Variants in CADM2 observed in about 807,000 individuals in gnomAD.
CADM2 encodes immunoglobulin superfamily member 4D.
A neutral mutation model predicts 49.8 loss-of-function variants in CADM2; 12 were observed. The ratio of observed to expected loss-of-function variants is 0.24; its 90% confidence interval spans 0.15 to 0.39. The LOEUF (loss-of-function observed/expected upper bound fraction) is 0.39. Ranked by LOEUF, CADM2 falls within the 10% of genes least tolerant of loss-of-function variation. The pLI is 1.00. For synonymous variants in CADM2, 214 were observed against 175.4 expected, an observed-to-expected ratio of 1.22 and a Z score of -1.74; for missense variants, 378 against 492.3, an observed-to-expected ratio of 0.77 and a Z score of 2.20.
At chr3:85,164,203 G>A (rs2040408437) in intron 1 of CADM2, among the ~76,000 whole-genome samples, 1 of 151,978 alleles carries the variant, frequency 6.6e-6, no homozygotes, top group Non-Finnish European at 1.5e-5. Flanking sequence ...ATATTGAGAT[G>A]ACTATGTGAA....
At chr3:85,825,197 T>G (rs939846763) in intron 3 of CADM2, among the ~76,000 whole-genome samples, 3 of 151,794 alleles carry the variant, frequency 2.0e-5, no homozygotes, top group African/African-American at 7.3e-5. Flanking sequence ...ACCGTGAGAG[T>G]GTGTAGTCAG....
chr3:85,415,399 C>A (rs1376576258), intron 1 of CADM2, among the ~76,000 whole-genome samples: 2 of 129,318 alleles, frequency 1.5e-5, no homozygotes, highest in African/African-American at 5.8e-5. Flanking sequence ...GATGAAAGTA[C>A]GAATAGTGCC....
chr3:85,999,623 G>T (rs1222432032), intron 8 of CADM2, among the ~76,000 whole-genome samples: 1 of 148,130 alleles, frequency 6.8e-6, no homozygotes, highest in Non-Finnish European at 1.5e-5. Flanking sequence ...GAAAGAGAAA[G>T]AAAGAAGGAG....
chr3:85,096,560 TAAC>T (rs1199653056), intron 1 of CADM2, among the ~76,000 whole-genome samples: 9 of 152,144 alleles, frequency 5.9e-5, no homozygotes, highest in African/African-American at 1.2e-4. Flanking sequence ...TATCTATAAT[TAAC>T]ATATCAGAAT....
At chr3:85,271,383 A>T (rs2043239204) in intron 1 of CADM2, among the ~76,000 whole-genome samples, 1 of 151,358 alleles carries the variant, frequency 6.6e-6, no homozygotes, top group African/African-American at 2.4e-5. Context: ...CTTTTAGAAC[A>T]CAGAAATCTG....
At chr3:85,745,328 G>T (rs1182459785) in intron 2 of CADM2, among the ~76,000 whole-genome samples, 1 of 152,102 alleles carries the variant, frequency 6.6e-6, no homozygotes, top group African/African-American at 2.4e-5. Context: ...TATTTTGTTG[G>T]ATAATGGTAT....
intron 1 of CADM2, chr3:84,960,308 A>G (rs2107029093): frequency 6.6e-6 from 1 of 152,344 alleles, no homozygotes; most frequent in Non-Finnish European, 1.5e-5. Flanking sequence ...GGGATTTAAA[A>G]AAAAAGAAAA....
chr3:85,064,706 G>A (rs59907126), intron 1 of CADM2, among the ~76,000 whole-genome samples: 12,058 of 152,066 alleles, frequency 0.079, 1,572 homozygotes, highest in African/African-American at 0.27. Context: ...AGACATACTG[G>A]CAATATTTGT....
At chr3:85,116,855 G>A (rs1362718237) in intron 1 of CADM2, among the ~76,000 whole-genome samples, 1 of 152,002 alleles carries the variant, frequency 6.6e-6, no homozygotes, top group Admixed American at 6.6e-5. Context: ...ACATTTTTCT[G>A]GTGTATGGTG....
chr3:85,407,600 A>G (rs1243917587), intron 1 of CADM2, among the ~76,000 whole-genome samples: 1 of 152,154 alleles, frequency 6.6e-6, no homozygotes, highest in Non-Finnish European at 1.5e-5. Flanking sequence ...TCCGAAGGAA[A>G]GTTAATGGGT....
intron 1 of CADM2, among the ~76,000 whole-genome samples, chr3:85,406,858 T>A (rs1042402932): frequency 6.6e-6 from 1 of 152,124 alleles, no homozygotes; most frequent in African/African-American, 2.4e-5. Flanking sequence ...CTTTTTGTCA[T>A]CTTCAATTTA....
chr3:85,741,563 G>C (rs776288507), intron 2 of CADM2, among the ~76,000 whole-genome samples: 2 of 152,126 alleles, frequency 1.3e-5, no homozygotes, highest in Non-Finnish European at 2.9e-5. Flanking sequence ...AGCTACTCAA[G>C]AGGCAGAGGC....
chr3:85,737,581 G>A lies in CADM2; in HGVS notation c.88+11033G>A, dbSNP rs1275815766. On this transcript the variant is annotated intron_variant, in intron 2 of 9. Transcript: ENST00000383699. ...TTCTTTCTTTTTTTTTTTTTGAGAC[G>A]GAGTTTCTCTCTGTCACCCAGGCTG... Among the ~76,000 whole-genome samples the A allele has an allele frequency of 1.3e-4, 18 of 141,064 alleles. 1 individual carries two copies. The highest frequency in any genetic ancestry group is 2.1e-4 in the East Asian group (1 of 4,828). 92.5% of individuals were successfully genotyped at this position (141,064 alleles called of 152,430 possible).
chr3:85,897,517 C>A (rs2108438772), intron 5 of CADM2, among the ~76,000 whole-genome samples: 1 of 151,586 alleles, frequency 6.6e-6, no homozygotes, highest in South Asian at 2.1e-4. Flanking sequence ...GATCCACCCG[C>A]CTCGGCCTCC....
At chr3:85,619,197 TC>T (rs761843657) in intron 1 of CADM2, among the ~76,000 whole-genome samples, 77 of 152,238 alleles carry the variant, frequency 5.1e-4, no homozygotes, top group Non-Finnish European at 8.5e-4. Flanking sequence ...GGATTGATAG[TC>T]AGTAGATGAA....
chr3:85,981,345 C>A (rs1443108676), intron 8 of CADM2, among the ~76,000 whole-genome samples: 1 of 151,460 alleles, frequency 6.6e-6, no homozygotes, highest in Non-Finnish European at 1.5e-5. Context: ...TGGTCTATTG[C>A]ATTTTTTTTC....
chr3:85,014,041 A>G (rs2034132175), intron 1 of CADM2, among the ~76,000 whole-genome samples: 1 of 144,810 alleles, frequency 6.9e-6, no homozygotes, highest in East Asian at 2.0e-4. Flanking sequence ...ATAATATTGT[A>G]TATTATATAT....
chr3:85,078,236 G>T (rs773936484), intron 1 of CADM2, among the ~76,000 whole-genome samples: 2 of 151,866 alleles, frequency 1.3e-5, no homozygotes, highest in South Asian at 4.1e-4. Flanking sequence ...TGCAGAAAGA[G>T]AAAGAACAGA....
chr3:85,797,091 T>A (rs1185726245), intron 2 of CADM2, among the ~76,000 whole-genome samples: 103 of 127,272 alleles, frequency 8.1e-4, no homozygotes, highest in African/African-American at 1.9e-3. Context: ...AGAATCCATT[T>A]AAAAAAAAAA....
Sources: gnomAD v4.1 joint callset for allele counts (sites outside exome capture counted in the v4.1 genomes callset) on GRCh38, gnomAD v4.1.1 for gene constraint, MANE v1.5 for transcripts, NCBI Gene and HGNC (gene_info 2026-07-23, HGNC 2026-07-21) for gene names.